Variants in CTNNA1 observed in about 807,000 individuals in gnomAD.
CTNNA1 encodes catenin alpha 1.
In CTNNA1, 37 loss-of-function variants were observed where a neutral mutation model predicts 98.4. The ratio of observed to expected loss-of-function variants is 0.38; its 90% CI spans 0.29 to 0.49. The LOEUF (loss-of-function observed/expected upper bound fraction) is 0.49. Among genes scored for constraint, CTNNA1 ranks in the 20% least tolerant of loss-of-function variants. The pLI, the probability that CTNNA1 is intolerant of heterozygous loss-of-function variation, is 0.95. For synonymous variants in CTNNA1, 404 were observed against 413.2 expected (o/e 0.98, Z 0.27); for missense variants, 761 against 1,147.2 (o/e 0.66, Z 4.86).
chr5:138,903,471 G>A (rs528062725), intron 9 of CTNNA1, among the ~76,000 whole-genome samples: 1 of 152,234 alleles, frequency 6.6e-6, no homozygotes, highest in Admixed American at 6.5e-5. Flanking sequence ...GTATTCAGTT[G>A]GGCCCAGATA....
At chr5:138,894,705 C>T (rs1331187402) in intron 9 of CTNNA1, among the ~76,000 whole-genome samples, 1 of 152,080 alleles carries the variant, frequency 6.6e-6, no homozygotes, top group Non-Finnish European at 1.5e-5. Flanking sequence ...CCCTGTCCCT[C>T]CCCTGACCCA....
chr5:138,851,943 G>T (rs1763224714), intron 7 of CTNNA1, among the ~76,000 whole-genome samples: 1 of 150,054 alleles, frequency 6.7e-6, no homozygotes, highest in African/African-American at 2.5e-5. Flanking sequence ...GATGGCGCGT[G>T]CCTGTAATCC....
At chr5:138,772,386 G>A (rs1315040319) in intron 1 of CTNNA1, among the ~76,000 whole-genome samples, 1 of 152,188 alleles carries the variant, frequency 6.6e-6, no homozygotes, top group African/African-American at 2.4e-5. Context: ...AGTAGGTTTT[G>A]TGATAGATCT....
At chr5:138,925,668 G>C (rs1763857001) in intron 13 of CTNNA1, among the ~76,000 whole-genome samples, 1 of 152,222 alleles carries the variant, frequency 6.6e-6, no homozygotes, top group Non-Finnish European at 1.5e-5. Flanking sequence ...ACAACATGAG[G>C]CTTCAGTTTG....
chr5:138,783,367 A>T lies in CTNNA1; in HGVS notation c.296A>T (p.Lys99Ile). 6.2e-7 allele frequency: 1 copy of T among 1,612,812 alleles called. No individual in the cohort carries two copies. Among genetic ancestry groups the T allele is most frequent in the Non-Finnish European group, 8.5e-7 (1 of 1,179,138 alleles). ...ELVAAVEDVR[K>I]QGDLMKAAAG... ...GTGGCTGCTGTAGAAGATGTTCGAA[A>T]ACAAGGTAGGTCATTACTGCTTTTT... Residue 99 changes from lysine (K) to isoleucine (I), a missense_variant, in exon 3 of 18, where the codon AAA (lysine) becomes ATA (isoleucine). By Grantham distance (102) the Lys-to-Ile change is moderately radical. Coordinates refer to ENST00000302763, the MANE Select transcript of CTNNA1 (RefSeq NM_001903.5).
At chr5:138,872,192 A>G (rs1380957662) in intron 7 of CTNNA1, 6 of 152,642 alleles carry the variant, frequency 3.9e-5, no homozygotes, top group Non-Finnish European at 8.8e-5. Flanking sequence ...TAGTACATTA[A>G]TTAGTACAAT....
chr5:138,867,338 A>T (rs189204684), intron 7 of CTNNA1, among the ~76,000 whole-genome samples: 1 of 152,232 alleles, frequency 6.6e-6, no homozygotes, highest in Non-Finnish European at 1.5e-5. Context: ...TGGTCCTGCT[A>T]TGGGGCTGTG....
At chr5:138,783,733 C>T (rs929733290) in intron 3 of CTNNA1, among the ~76,000 whole-genome samples, 2 of 152,074 alleles carry the variant, frequency 1.3e-5, no homozygotes, top group Admixed American at 6.6e-5. Flanking sequence ...GAAATGGGAC[C>T]GAAGTTTACT....
chr5:138,769,259 C>T (rs1753262746), intron 1 of CTNNA1, among the ~76,000 whole-genome samples: 1 of 152,086 alleles, frequency 6.6e-6, no homozygotes, highest in Non-Finnish European at 1.5e-5. Flanking sequence ...ATCTTTTTGC[C>T]TGGCTTTCCA....
chr5:138,782,140 G>A, intron 2 of CTNNA1, 111 bp downstream of exon 2: 1 of 1,011,144 alleles, frequency 9.9e-7, no homozygotes, highest in Non-Finnish European at 1.5e-6. Flanking sequence ...CAGTACTTGA[G>A]TTTAGGTGAC....
At chr5:138,782,253 T>C (rs1479232804) in intron 2 of CTNNA1, 2 of 599,646 alleles carry the variant, frequency 3.3e-6, no homozygotes, top group South Asian at 3.1e-5. Context: ...GGGTCCATGG[T>C]ATGTAGTGCA....
chr5:138,921,596 A>ATTTTTTTT lies in CTNNA1; in HGVS notation c.1547-2898_1547-2891dup, dbSNP rs386405098. Among the ~76,000 whole-genome samples the ATTTTTTTT allele has an allele frequency of 2.9e-4, 30 of 104,036 alleles. 1 individual carries two copies. Among genetic ancestry groups the ATTTTTTTT allele is most frequent in the African/African-American group, 6.9e-4 (17 of 24,470 alleles). 68.3% of individuals were successfully genotyped at this position (104,036 alleles called of 152,430 possible). ...AAGTGGTGAAGTTAGATTAGTGGTG[A>ATTTTTTTT]TTTTTTTTTTTTTTTTTTTTTTTGA... On this transcript the variant is annotated intron_variant, in intron 11 of 17. Transcript: ENST00000302763.
intron 3 of CTNNA1, among the ~76,000 whole-genome samples, chr5:138,789,710 C>G (rs1756142542): frequency 6.6e-6 from 1 of 152,170 alleles, no homozygotes; most frequent in Admixed American, 6.5e-5. Context: ...CCCACCTCGG[C>G]CTCCTAAAGT....
At chr5:138,799,597 T>C (rs1345668516) in intron 3 of CTNNA1, among the ~76,000 whole-genome samples, 1 of 152,096 alleles carries the variant, frequency 6.6e-6, no homozygotes, top group Non-Finnish European at 1.5e-5. Flanking sequence ...ATGAAACTTA[T>C]TAAACATCTC....
At chr5:138,905,878 T>TTTACATGTCC (rs1288945743) in intron 10 of CTNNA1, among the ~76,000 whole-genome samples, 4 of 152,232 alleles carry the variant, frequency 2.6e-5, no homozygotes, top group African/African-American at 9.6e-5. Context: ...CTTACCTCTC[T>TTTACATGTCC]TTACATGTCC....
intron 7 of CTNNA1, among the ~76,000 whole-genome samples, chr5:138,885,545 C>T (rs1030776677): frequency 2.6e-5 from 4 of 152,140 alleles, no homozygotes; most frequent in Non-Finnish European, 4.4e-5. Context: ...TGGCAAATCT[C>T]GACTCAGCAC....
chr5:138,849,601 G>A (rs1041405562), intron 7 of CTNNA1, among the ~76,000 whole-genome samples: 4 of 152,118 alleles, frequency 2.6e-5, no homozygotes, highest in African/African-American at 4.8e-5. Context: ...AGTGAGGCAC[G>A]TGCGCTGGCT....
At chr5:138,932,753 G>A (rs772372221) in intron 17 of CTNNA1, 41 bp downstream of exon 17, 9 of 1,610,510 alleles carry the variant, frequency 5.6e-6, no homozygotes, top group Non-Finnish European at 7.6e-6. Flanking sequence ...GTGGGAACGT[G>A]CTGACCCTTG....
chr5:138,891,041 T>G (rs1218873354), intron 9 of CTNNA1: 1 of 152,174 alleles, frequency 6.6e-6, no homozygotes. Context: ...GCAGGGCAAG[T>G]TTGTTTCTGC....
Sources: gnomAD v4.1 joint callset for allele counts (sites outside exome capture counted in the v4.1 genomes callset) on GRCh38, gnomAD v4.1.1 for gene constraint, MANE v1.5 for transcripts, NCBI Gene and HGNC (gene_info 2026-07-23, HGNC 2026-07-21) for gene names.